MYO5B: variants seen among roughly 807,000 people sequenced by gnomAD.
The protein encoded by MYO5B is unconventional myosin-Vb.
In MYO5B, 143 loss-of-function variants were observed where a neutral mutation model predicts 229.3. The ratio of observed to expected loss-of-function variants is 0.62; its 90% CI spans 0.54 to 0.72. The LOEUF is 0.72. Among genes scored for constraint, MYO5B ranks in the 30% least tolerant of loss-of-function variants. The probability of loss-of-function intolerance (pLI) is 0.00; values close to 1 mark genes in which losing one functional copy is unlikely to be tolerated. For synonymous variants in MYO5B, 918 were observed against 885.2 expected, an observed-to-expected ratio of 1.04 and a Z score of -0.66; for missense variants, 2,321 against 2,331.0, an observed-to-expected ratio of 1.00 and a Z score of 0.09.
intron 29 of MYO5B, among the ~76,000 whole-genome samples, chr18:49,862,258 A>T (rs1224077120): frequency 6.6e-6 from 1 of 152,172 alleles, no homozygotes; most frequent in Non-Finnish European, 1.5e-5. Flanking sequence ...TCAGCCTCCC[A>T]AAGTGCTTAG....
intron 1 of MYO5B, among the ~76,000 whole-genome samples, chr18:50,167,607 C>T (rs528967071): frequency 2.8e-4 from 42 of 152,174 alleles, no homozygotes; most frequent in Non-Finnish European, 4.6e-4. Flanking sequence ...CATGGACATG[C>T]TTTCTCTCCC....
chr18:49,898,944 T>C (rs1376289003), intron 21 of MYO5B, among the ~76,000 whole-genome samples: 1 of 152,174 alleles, frequency 6.6e-6, no homozygotes, highest in East Asian at 1.9e-4. Flanking sequence ...ATAGGAACCC[T>C]ACTCTAGCCA....
chr18:50,001,493 G>T, intron 4 of MYO5B, 82 bp from the exon 5 acceptor site: 1 of 1,507,878 alleles, frequency 6.6e-7, no homozygotes, highest in Non-Finnish European at 9.2e-7. Context: ...ACAAGGGCCT[G>T]AGCCTCACTG....
At chr18:50,167,147 A>G (rs973844107) in intron 1 of MYO5B, among the ~76,000 whole-genome samples, 1 of 152,252 alleles carries the variant, frequency 6.6e-6, no homozygotes, top group Admixed American at 6.5e-5. Flanking sequence ...TGTCTGAACA[A>G]AGACAAAAGA....
chr18:49,943,347 T>G (rs1220201369), intron 14 of MYO5B, among the ~76,000 whole-genome samples: 4 of 151,930 alleles, frequency 2.6e-5, no homozygotes, highest in Admixed American at 2.6e-4. Context: ...ACCCTAAAAC[T>G]TAAAGTATAA....
At chr18:50,129,816 T>TACA (rs1224103966) in intron 1 of MYO5B, among the ~76,000 whole-genome samples, 1 of 152,176 alleles carries the variant, frequency 6.6e-6, no homozygotes. Context: ...ATGGGACTAG[T>TACA]ACAGGAGCCT....
At chr18:50,038,818 A>G (rs1422139699) in intron 3 of MYO5B, among the ~76,000 whole-genome samples, 1 of 152,218 alleles carries the variant, frequency 6.6e-6, no homozygotes, top group African/African-American at 2.4e-5. Flanking sequence ...CTCCTAAAAT[A>G]GGAGTCAAAT....
chr18:49,904,362 GC>G (rs1443775377), intron 20 of MYO5B, among the ~76,000 whole-genome samples: 2 of 152,160 alleles, frequency 1.3e-5, no homozygotes, highest in East Asian at 3.8e-4. Flanking sequence ...GCAGCCTGAG[GC>G]CCTCTCCAGA....
chr18:49,888,764 G>A (rs2024675330), intron 22 of MYO5B, among the ~76,000 whole-genome samples: 1 of 152,174 alleles, frequency 6.6e-6, no homozygotes, highest in South Asian at 2.1e-4. Flanking sequence ...TGTTCCTTCT[G>A]ACAGGCTCTG....
intron 17 of MYO5B, among the ~76,000 whole-genome samples, chr18:49,928,526 C>T (rs1464523066): frequency 1.3e-5 from 2 of 152,174 alleles, no homozygotes; most frequent in Non-Finnish European, 2.9e-5. Context: ...CACCTGTAGT[C>T]CCAGCTACAC....
intron 21 of MYO5B, among the ~76,000 whole-genome samples, chr18:49,895,720 A>G (rs535155805): frequency 2.1e-4 from 32 of 152,282 alleles, no homozygotes; most frequent in African/African-American, 7.7e-4. Context: ...GGCTTGCCCC[A>G]TAAGACTCTA....
rs773819793 is a variant in MYO5B, at chr18:49,936,234, T to G, written c.2003+18A>C. 70 of 1,569,382 alleles carry G rather than the reference T, an allele frequency of 4.5e-5. 1 individual carries two copies. In the South Asian group the frequency reaches 7.9e-4, roughly 18 times the overall value. On this transcript the variant is annotated intron_variant, in intron 16 of 39. Transcript: ENST00000285039. ...TCTAAGGCTGGGCTGGACAGGCTAA[T>G]GCCCAGCAGGCACTTACTGAAAGGG...
In MYO5B at chr18:49,864,149, T is replaced by C. The variant is rs1227824999; in HGVS notation, c.3835A>G (p.Arg1279Gly). ...GGCCGCCATCTTGTTACCGCGTTCC[T>C]GCCGGCGAGTCGCCGCTGGTCGGCG... The part of the protein sequence containing the change: ...VSADQRRLAG[R>G]NAEPNINARS... The change falls in exon 28 of 40, where the codon AGG (arginine) becomes GGG (glycine). Residue 1279 changes from arginine (R) to glycine (G), a missense_variant. Physicochemically the swap from Arg to Gly is moderately radical, Grantham distance 125. Around this residue, in one of 2 missense-constraint regions of MYO5B, gnomAD observed 2,113 missense variants for 2,044.7 expected, o/e 1.03. Coordinates refer to ENST00000285039, the MANE Select transcript of MYO5B (RefSeq NM_001080467.3). 1 of 1,609,190 alleles carries C rather than the reference T, an allele frequency of 6.2e-7. No individual in the cohort carries two copies. Among genetic ancestry groups the C allele is most frequent in the East Asian group, 2.2e-5 (1 of 44,870 alleles).
intron 1 of MYO5B, among the ~76,000 whole-genome samples, chr18:50,164,226 T>C (rs2032811181): frequency 6.6e-6 from 1 of 152,246 alleles, no homozygotes; most frequent in African/African-American, 2.4e-5. Flanking sequence ...GTTTGTACTT[T>C]AGTGATCTTT....
At chr18:49,934,741 C>G (rs1306603097) in intron 16 of MYO5B, among the ~76,000 whole-genome samples, 1 of 152,232 alleles carries the variant, frequency 6.6e-6, no homozygotes, top group Non-Finnish European at 1.5e-5. Context: ...GAAGAGCAAG[C>G]AAGCAGCACA....
At chr18:50,132,105 G>A (rs2144548055) in intron 1 of MYO5B, among the ~76,000 whole-genome samples, 2 of 152,276 alleles carry the variant, frequency 1.3e-5, no homozygotes, top group East Asian at 1.9e-4. Flanking sequence ...CTTCCCAAGT[G>A]TGCCAATACT....
chr18:50,012,522 C>A (rs371996549), intron 4 of MYO5B, among the ~76,000 whole-genome samples: 1 of 152,178 alleles, frequency 6.6e-6, no homozygotes, highest in Non-Finnish European at 1.5e-5. Flanking sequence ...GACAGACATA[C>A]AATTGAAATA....
chr18:49,890,064 T>C (rs774732945), intron 22 of MYO5B, among the ~76,000 whole-genome samples: 4 of 152,182 alleles, frequency 2.6e-5, no homozygotes, highest in African/African-American at 9.7e-5. Context: ...TGATCTTTCA[T>C]GAACAGCAGG....
intron 31 of MYO5B, chr18:49,850,825 T>A (rs1176335855): frequency 2.6e-5 from 4 of 152,712 alleles, no homozygotes; most frequent in Admixed American, 6.5e-5. Flanking sequence ...CGTGTTCATA[T>A]AACCCTGTCC....
Sources: gnomAD v4.1 joint callset for allele counts (sites outside exome capture counted in the v4.1 genomes callset) on GRCh38, gnomAD v4.1.1 for gene constraint, gnomAD v4.1.1 regional missense constraint, MANE v1.5 for transcripts, NCBI Gene and HGNC (gene_info 2026-07-23, HGNC 2026-07-21) for gene names.